TIMM10B: variants seen among roughly 807,000 people sequenced by gnomAD.
TIMM10B encodes translocase of inner mitochondrial membrane 10B, also known as mitochondrial import inner membrane translocase subunit Tim10 B.
A neutral mutation model predicts 12.6 loss-of-function variants in TIMM10B; 17 were observed. The observed-to-expected ratio is 1.35, with a 90% CI of 0.92 to 2.03. The LOEUF (loss-of-function observed/expected upper bound fraction) is 2.03, where lower values mean the gene tolerates loss of function less well. Ranked by LOEUF, TIMM10B falls within the 30% of genes most tolerant of loss-of-function variation. TIMM10B has a pLI of 0.00. For synonymous variants in TIMM10B, 63 were observed against 51.3 expected (o/e 1.23, Z -0.97); for missense variants, 165 against 133.3 (o/e 1.24, Z -1.17).
At chr11:6,482,010 CT>C (rs765149941) in intron 2 of TIMM10B, 34 bp from the exon 3 acceptor site, 4 of 1,601,838 alleles carry the variant, frequency 2.5e-6, no homozygotes, top group Non-Finnish European at 3.4e-6. Context: ...GACAGGGCAC[CT>C]TTATCCTCCA....
In TIMM10B at chr11:6,482,501, T is replaced by A. The variant is rs1448048935; in HGVS notation, c.*280T>A. ...CTGGCAGCTGAGAAATTGTTTTCTA[T>A]ATGTAGAAGGAAAACCTGAGCATTT... is the stretch of plus-strand genomic sequence containing the variant. On this transcript the variant is annotated 3_prime_UTR_variant, in exon 3 of 3. Transcript: ENST00000254616. 2.5e-6 allele frequency: 1 copy of A among 401,596 alleles called. No homozygotes were observed. Among genetic ancestry groups the A allele is most frequent in the African/African-American group, 2.0e-5 (1 of 50,778 alleles). The allele number at this position is 401,596 out of a possible 1,614,324, so 24.9% of individuals were successfully genotyped here.
Position 6,481,786 on chromosome 11 carries a change from G to C in TIMM10B, c.69G>C (p.Arg23=), listed in dbSNP as rs1282650762. 1 of 1,614,136 alleles carries C rather than the reference G, an allele frequency of 6.2e-7. No individual in the cohort carries two copies. The highest frequency in any genetic ancestry group is 8.5e-7 in the Non-Finnish European group (1 of 1,180,038). The part of the protein sequence containing the change: ...NLRDFLLVYN[R]MTELCFQRCV... Reference sequence around the variant, plus strand: ...GTGACTTCCTGTTGGTCTACAATCGGATGACAGAACTCTGCTTCCAGCGCT... The same window carrying C: ...GTGACTTCCTGTTGGTCTACAATCGCATGACAGAACTCTGCTTCCAGCGCT... Residue 23 remains arginine, a synonymous_variant, in exon 2 of 3, where the codon CGG becomes CGC. Transcript: ENST00000254616.
chr11:6,481,541 C>T lies in TIMM10B; in HGVS notation c.25C>T (p.Gln9Ter), dbSNP rs775625873. The T allele has an allele frequency of 6.2e-7, 1 of 1,611,270 alleles. No individual in the cohort carries two copies. The highest frequency in any genetic ancestry group is 8.5e-7 in the Non-Finnish European group (1 of 1,179,056). Residue 9 changes from glutamine (Q) to a stop codon, truncating the protein, a stop_gained, in exon 1 of 3, where the codon CAG (glutamine) becomes TAG (stop). Coordinates refer to ENST00000254616, the MANE Select transcript of TIMM10B (RefSeq NM_012192.4). LOFTEE classifies it high-confidence loss of function. ...GATGGAGCGGCAGCAGCAGCAGCAA[C>T]AGCAACTGCGAAACGTAAGTGAGAA... MERQQQQQ[Q>*]QLRNLRDFLL...
rs775625873 is a variant in TIMM10B at position 6,481,541 on chromosome 11, C to G, written c.25C>G (p.Gln9Glu). 1 of 1,611,270 alleles carries G rather than the reference C, an allele frequency of 6.2e-7. No individual in the cohort carries two copies. Among genetic ancestry groups the G allele is most frequent in the Non-Finnish European group, 8.5e-7 (1 of 1,179,056 alleles). ...GATGGAGCGGCAGCAGCAGCAGCAA[C>G]AGCAACTGCGAAACGTAAGTGAGAA... MERQQQQQ[Q>E]QLRNLRDFLL... Residue 9 changes from glutamine to glutamate, a missense_variant, in exon 1 of 3, where the codon CAG (glutamine) becomes GAG (glutamate). By Grantham distance (29) the Gln-to-Glu change is conservative. Coordinates refer to ENST00000254616, the MANE Select transcript of TIMM10B (RefSeq NM_012192.4).
rs768863639 is a variant in TIMM10B, at chr11:6,481,754, C to G, written c.40-3C>G. ...TGAGTTTGTGGTCCCCCTTTTCTCTCAGCTGCGTGACTTCCTGTTGGTCTA... is the reference window on the plus strand; with the variant it reads ...TGAGTTTGTGGTCCCCCTTTTCTCTGAGCTGCGTGACTTCCTGTTGGTCTA... On this transcript the variant is annotated splice_polypyrimidine_tract_variant and splice_region_variant and intron_variant, in intron 1 of 2. Transcript: ENST00000254616. The G allele has an allele frequency of 6.2e-7, 1 of 1,614,072 alleles. No individual in the cohort carries two copies. Among genetic ancestry groups the G allele is most frequent in the Non-Finnish European group, 8.5e-7 (1 of 1,180,028 alleles).
At chr11:6,481,976 A>G (rs1281430244) in intron 2 of TIMM10B, 69 bp from the exon 3 acceptor site, 59 of 1,594,276 alleles carry the variant, frequency 3.7e-5, no homozygotes, top group Non-Finnish European at 5.0e-5. Context: ...TAGGCTGGGC[A>G]TGGGGAAGAA....
rs1183243205 is a variant in TIMM10B, at chr11:6,483,576, A to G, written c.*1355A>G. ...ACCTCAGCCAAGTCCTCACACCAAC[A>G]CGCAGTCACACCAACACACACCTTT... On this transcript the variant is annotated 3_prime_UTR_variant, in exon 3 of 3. Coordinates refer to ENST00000254616, the MANE Select transcript of TIMM10B (RefSeq NM_012192.4). 1 of 152,336 alleles carries G rather than the reference A, an allele frequency of 6.6e-6. No individual in the cohort carries two copies. The highest frequency in any genetic ancestry group is 2.4e-5 in the African/African-American group (1 of 41,402). The allele number at this position is 152,336 out of a possible 1,614,324, so 9.4% of individuals were successfully genotyped here.
Position 6,482,242 on chromosome 11 carries a change from G to T in TIMM10B, c.*21G>T. Reference sequence around the variant, plus strand: ...GCTAGCCATACCCAACCCCAGGAAGGAAGGCCTTGGATGGACCCTCAGATT... The same window carrying T: ...GCTAGCCATACCCAACCCCAGGAAGTAAGGCCTTGGATGGACCCTCAGATT... On this transcript the variant is annotated 3_prime_UTR_variant, in exon 3 of 3. Transcript: ENST00000254616. The T allele has an allele frequency of 1.9e-6, 3 of 1,590,028 alleles. No individual in the cohort carries two copies. Among genetic ancestry groups the T allele is most frequent in the Non-Finnish European group, 2.6e-6 (3 of 1,169,086 alleles).
At position 6,482,217 on chromosome 11, in the gene TIMM10B, G is replaced by C; in HGVS notation, c.308G>C (p.Ser103Thr). The change falls in exon 3 of 3, where the codon AGC becomes ACC. Residue 103 changes from serine (S) to threonine (T), a missense_variant. Transcript: ENST00000254616. The part of the protein sequence containing the change: ...AEQPGVSPSG[S>T] ...CAGCCTGGGGTCTCTCCATCAGGCA[G>C]CTAGCCATACCCAACCCCAGGAAGG... 1.2e-6 allele frequency: 2 copies of C among 1,602,430 alleles called. No homozygotes were observed. Among genetic ancestry groups the C allele is most frequent in the Non-Finnish European group, 1.7e-6 (2 of 1,176,994 alleles).
Position 6,482,548 on chromosome 11 carries a change from G to T in TIMM10B, c.*327G>T. The stretch of plus-strand genomic sequence containing the variant: ...ATTTGCAGGCATCTGGTTAAAGCAG[G>T]GTCTGTGTGTACAATTTTAAAACGG... On this transcript the variant is annotated 3_prime_UTR_variant, in exon 3 of 3. Transcript: ENST00000254616. 1 of 288,886 alleles carries T rather than the reference G, an allele frequency of 3.5e-6. No homozygotes were observed. The highest frequency in any genetic ancestry group is 6.3e-5 in the East Asian group (1 of 15,826). 17.9% of individuals were successfully genotyped at this position (288,886 alleles called of 1,614,324 possible).
At chr11:6,481,726 C>G in intron 1 of TIMM10B, 31 bp from the exon 2 acceptor site, 2 of 1,613,866 alleles carry the variant, frequency 1.2e-6, no homozygotes, top group Non-Finnish European at 1.7e-6. Context: ...GGGCCCTTAT[C>G]GCTGAGTTTG....
Position 6,483,748 on chromosome 11 carries a change from A to G in TIMM10B, c.*1527A>G, listed in dbSNP as rs550628495. On this transcript the variant is annotated 3_prime_UTR_variant, in exon 3 of 3. Coordinates refer to ENST00000254616, the MANE Select transcript of TIMM10B (RefSeq NM_012192.4). The stretch of plus-strand genomic sequence containing the variant: ...GAAGCTCTTAGACATTGGTTTCCAC[A>G]GTAATAATTTTAAAACTTCTTACAA... 15 of 152,346 alleles carry G rather than the reference A, an allele frequency of 9.8e-5. No individual in the cohort carries two copies. Among genetic ancestry groups the G allele is most frequent in the African/African-American group, 3.6e-4 (15 of 41,578 alleles). The allele number at this position is 152,346 out of a possible 1,614,324, so 9.4% of individuals were successfully genotyped here.
intron 1 of TIMM10B, 67 bp from the exon 2 acceptor site, chr11:6,481,690 G>T: frequency 6.2e-7 from 1 of 1,606,456 alleles, no homozygotes. Context: ...GAAACTTTGG[G>T]CGGCGCGACC....
At position 6,481,820 on chromosome 11, in the gene TIMM10B, A is replaced by G. The variant is rs375566952; in HGVS notation, c.103A>G (p.Ser35Gly). Residue 35 changes from serine to glycine, a missense_variant, in exon 2 of 3, where the codon AGC becomes GGC. Ser to Gly is a moderately conservative substitution (Grantham distance 56, BLOSUM62 0). Coordinates refer to ENST00000254616, the MANE Select transcript of TIMM10B (RefSeq NM_012192.4). Reference protein sequence around the residue: ...TELCFQRCVPSLHHRALDAEE... With the variant: ...TELCFQRCVPGLHHRALDAEE... ...ACTCTGCTTCCAGCGCTGTGTGCCC[A>G]GCTTGCACCACCGAGCTCTGGACGC... The G allele has an allele frequency of 6.2e-7, 1 of 1,613,352 alleles. No homozygotes were observed. Among genetic ancestry groups the G allele is most frequent in the African/African-American group, 1.3e-5 (1 of 74,702 alleles).
rs746929591 is a variant in TIMM10B at position 6,483,917 on chromosome 11, T to C, written c.*1696T>C. On this transcript the variant is annotated 3_prime_UTR_variant, in exon 3 of 3. Transcript: ENST00000254616. ...AGGCTGCCTCTTAAGATAGTATTTA[T>C]TGAGCACACACTTTGTGTAGGTTCT... The C allele has an allele frequency of 6.6e-6, 1 of 152,234 alleles. No individual in the cohort carries two copies. Among genetic ancestry groups the C allele is most frequent in the Non-Finnish European group, 1.5e-5 (1 of 68,036 alleles). 9.4% of individuals were successfully genotyped at this position (152,234 alleles called of 1,614,324 possible).
At position 6,483,671 on chromosome 11, in the gene TIMM10B, A is replaced by G. The variant is rs1851877513; in HGVS notation, c.*1450A>G. 1 of 152,200 alleles carries G rather than the reference A, an allele frequency of 6.6e-6. No homozygotes were observed. The highest frequency in any genetic ancestry group is 2.4e-5 in the African/African-American group (1 of 41,414). The allele number at this position is 152,200 out of a possible 1,614,324, so 9.4% of individuals were successfully genotyped here. Reference sequence around the variant, plus strand: ...TTTTACACCTCTACTGCTGTCCTTAATCCCATACCCCACCCTCATCAGGTG... The same window carrying G: ...TTTTACACCTCTACTGCTGTCCTTAGTCCCATACCCCACCCTCATCAGGTG... On this transcript the variant is annotated 3_prime_UTR_variant, in exon 3 of 3. Coordinates refer to ENST00000254616, the MANE Select transcript of TIMM10B (RefSeq NM_012192.4).
intron 2 of TIMM10B, 34 bp from the exon 3 acceptor site, chr11:6,482,011 T>A (rs1291970611): frequency 6.2e-7 from 1 of 1,602,076 alleles, no homozygotes; most frequent in Non-Finnish European, 8.5e-7. Flanking sequence ...ACAGGGCACC[T>A]TTATCCTCCA....
rs1851883501 is a variant in TIMM10B, at chr11:6,484,100, T to TA, written c.*1879_*1880insA. On this transcript the variant is annotated 3_prime_UTR_variant, in exon 3 of 3. Transcript: ENST00000254616. ...ACATTTATACACAGCTTCTTTTTTT[T>TA]TTTTTTGAGACAGAGTCTCGCTCTG... The TA allele has an allele frequency of 5.3e-5, 8 of 152,044 alleles. No homozygotes were observed. The highest frequency in any genetic ancestry group is 5.2e-4 in the Admixed American group (8 of 15,270). The allele number at this position is 152,044 out of a possible 1,614,324, so 9.4% of individuals were successfully genotyped here. A position where few individuals can be genotyped will look rare whatever the true frequency, so the allele number is the denominator to read the frequency against.
intron 1 of TIMM10B, 72 bp from the exon 2 acceptor site, chr11:6,481,685 T>C: frequency 6.2e-7 from 1 of 1,605,250 alleles, no homozygotes; most frequent in East Asian, 2.2e-5. Flanking sequence ...CCTGGGAAAC[T>C]TTGGGCGGCG....
Sources: gnomAD v4.1 joint callset for allele counts on GRCh38, gnomAD v4.1.1 for gene constraint, MANE v1.5 for transcripts, NCBI Gene and HGNC (gene_info 2026-07-23, HGNC 2026-07-21) for gene names.